SPMIP1: variants seen among roughly 807,000 people sequenced by gnomAD.
SPMIP1 encodes protein SPMIP1.
At chr7:128,871,582 A>G in the SPMIP1 span, 2 of 152,236 alleles carry the variant, frequency 1.3e-5, no homozygotes, top group Non-Finnish European at 2.9e-5. Context: ...GCAGCTGTGG[A>G]GGAAGGAGAG....
At chr7:128,868,228 TG>T in the SPMIP1 span, among the ~76,000 whole-genome samples, 1 of 152,236 alleles carries the variant, frequency 6.6e-6, no homozygotes, top group Admixed American at 6.5e-5. Context: ...GCAGAAAAGG[TG>T]GATGGTTGGG....
At chr7:128,870,055 C>G in the SPMIP1 span, 1 of 152,256 alleles carries the variant, frequency 6.6e-6, no homozygotes, top group Non-Finnish European at 1.5e-5. Flanking sequence ...CCCACGCCCC[C>G]TCCCGGGCGG....
chr7:128,869,131 C>T, the SPMIP1 span: 1 of 379,044 alleles, frequency 2.6e-6, no homozygotes, highest in African/African-American at 2.1e-5. Flanking sequence ...GGCCTCCTGC[C>T]ACCGCCACAC....
At chr7:128,866,626 T>C in the SPMIP1 span, 8 of 1,400,664 alleles carry the variant, frequency 5.7e-6, no homozygotes, top group African/African-American at 3.1e-5. Flanking sequence ...GTCAGCCCCT[T>C]CCAAGGTGCC....
the SPMIP1 span, among the ~76,000 whole-genome samples, chr7:128,868,091 G>A: frequency 1.3e-5 from 2 of 152,238 alleles, no homozygotes; most frequent in Admixed American, 1.3e-4. Flanking sequence ...GAGGAAAGGT[G>A]TGGAACAGGC....
At chr7:128,869,825 C>G in the SPMIP1 span, 1 of 152,464 alleles carries the variant, frequency 6.6e-6, no homozygotes, top group Non-Finnish European at 1.5e-5. Context: ...GGAGGGCACC[C>G]GGAAGCCAAG....
At chr7:128,867,438 A>G in the SPMIP1 span, among the ~76,000 whole-genome samples, 6,880 of 152,308 alleles carry the variant, frequency 0.045, 225 homozygotes, top group Non-Finnish European at 0.069. Flanking sequence ...AGCGTGCATG[A>G]ACAGGTCCTA....
At chr7:128,866,709 T>C in the SPMIP1 span, 2 of 1,535,860 alleles carry the variant, frequency 1.3e-6, no homozygotes, top group African/African-American at 1.4e-5. Context: ...CCCTGCTGTA[T>C]GAAGGCATCT....
chr7:128,868,779 T>C, the SPMIP1 span: 54 of 1,527,872 alleles, frequency 3.5e-5, no homozygotes, highest in Non-Finnish European at 4.3e-5. Flanking sequence ...CCTCTGACCG[T>C]GGGCCAGGTG....
chr7:128,869,452 T>C, the SPMIP1 span: 1 of 152,386 alleles, frequency 6.6e-6, no homozygotes, highest in African/African-American at 2.4e-5. Flanking sequence ...GTCTTGCCTG[T>C]GGCGGGAGTT....
chr7:128,869,953 T>G, the SPMIP1 span: 1 of 152,100 alleles, frequency 6.6e-6, no homozygotes, highest in East Asian at 1.9e-4. Context: ...GCTGCCCGGA[T>G]ACCTCGGCGC....
the SPMIP1 span, chr7:128,869,151 C>T: frequency 2.8e-6 from 1 of 359,220 alleles, no homozygotes; most frequent in Non-Finnish European, 5.0e-6. Flanking sequence ...CCCCTCCTTG[C>T]CCGCCCCTCA....
the SPMIP1 span, chr7:128,866,906 G>A: frequency 2.2e-6 from 3 of 1,378,052 alleles, no homozygotes; most frequent in Non-Finnish European, 2.9e-6. Flanking sequence ...TCCTGGTGAA[G>A]GGTCCAGACT....
At chr7:128,866,926 G>A in the SPMIP1 span, 1 of 1,223,348 alleles carries the variant, frequency 8.2e-7, no homozygotes, top group Non-Finnish European at 1.1e-6. Context: ...TATAAACAGA[G>A]CAAGGAGATG....
At chr7:128,866,608 G>A in the SPMIP1 span, 13 of 420,808 alleles carry the variant, frequency 3.1e-5, no homozygotes, top group Middle Eastern at 7.4e-4. Context: ...ACCCCCACCC[G>A]CCCCCAAGTC....
the SPMIP1 span, chr7:128,868,734 G>C: frequency 5.2e-6 from 8 of 1,535,884 alleles, no homozygotes; most frequent in South Asian, 3.6e-5. Flanking sequence ...CCGCAAGAAC[G>C]GGGCCTTCGC....
chr7:128,866,593 C>T, the SPMIP1 span: 1 of 1,527,534 alleles, frequency 6.5e-7, no homozygotes, highest in Non-Finnish European at 8.8e-7. Context: ...CAAAGCCCCA[C>T]TCTCACCCCC....
chr7:128,866,912 A>G, the SPMIP1 span: 3 of 1,350,318 alleles, frequency 2.2e-6, no homozygotes, highest in South Asian at 4.3e-5. Context: ...TGAAGGGTCC[A>G]GACTATAAAC....
the SPMIP1 span, chr7:128,869,105 G>C: frequency 2.5e-6 from 1 of 393,166 alleles, no homozygotes; most frequent in Non-Finnish European, 4.5e-6. Context: ...TTGTCATTTC[G>C]GAGGCCAGGG....
Sources: gnomAD v4.1 joint callset for allele counts (sites outside exome capture counted in the v4.1 genomes callset) on GRCh38, gnomAD v4.1.1 for gene constraint, MANE v1.5 for transcripts, NCBI Gene and HGNC (gene_info 2026-07-23, HGNC 2026-07-21) for gene names.